The following SLC19A1 variants were observed in gnomAD, a reference collection of about 807,000 sequenced individuals.
SLC19A1 encodes reduced folate transporter.
Under a neutral mutation model 35.3 loss-of-function variants are expected in SLC19A1, and 37 were observed. The observed-to-expected ratio is 1.05, with a 90% CI of 0.81 to 1.38. The LOEUF (loss-of-function observed/expected upper bound fraction) is 1.38, where lower values mean the gene tolerates loss of function less well. SLC19A1 is among the 40% of genes most tolerant of loss of function. The probability of loss-of-function intolerance (pLI) is 0.00; values close to 1 mark genes in which losing one functional copy is unlikely to be tolerated. For missense variants in SLC19A1, 831 were observed against 826.9 expected, an observed-to-expected ratio of 1.00 and a Z score of -0.06; for synonymous variants, 460 against 398.5, an observed-to-expected ratio of 1.15 and a Z score of -1.84.
At chr21:45,542,012 A>G (rs2078322422) in intron 1 of SLC19A1, among the ~76,000 whole-genome samples, 2 of 150,270 alleles carry the variant, frequency 1.3e-5, no homozygotes, top group African/African-American at 2.5e-5. Flanking sequence ...CCCCGCGGAG[A>G]CCCCGGCCCA....
upstream of SLC19A1, among the ~76,000 whole-genome samples, chr21:45,546,542 C>T (rs966617519): frequency 2.6e-5 from 4 of 152,244 alleles, no homozygotes; most frequent in South Asian, 8.3e-4. Flanking sequence ...TCCCGATGCC[C>T]CCAAGTCTCC....
intron 5 of SLC19A1, among the ~76,000 whole-genome samples, chr21:45,522,892 G>A (rs942034945): frequency 2.0e-5 from 3 of 152,156 alleles, no homozygotes; most frequent in Admixed American, 6.5e-5. Context: ...ATCCCTGTGG[G>A]GATAGAATGT....
At chr21:45,503,007 T>C (rs919987785) in intron 3 of SLC19A1, 1 of 152,144 alleles carries the variant, frequency 6.6e-6, no homozygotes, top group Non-Finnish European at 1.5e-5. Flanking sequence ...AAGGCACCAT[T>C]GTGAATAATG....
intron 2 of SLC19A1, 37 bp downstream of exon 2, chr21:45,537,734 C>A: frequency 1.7e-6 from 2 of 1,144,020 alleles, no homozygotes; most frequent in East Asian, 3.3e-5. Context: ...GCCCACCCAC[C>A]CACAGGCGGC....
In SLC19A1 at chr21:45,515,439, G is replaced by A. The variant is rs754144036; in HGVS notation, c.*219C>T. 8.7e-5 allele frequency: 127 copies of A among 1,460,436 alleles called. No individual in the cohort carries two copies. The highest frequency in any genetic ancestry group is 5.9e-4 in the East Asian group (24 of 40,808). The allele number at this position is 1,460,436 out of a possible 1,614,324, so 90.5% of individuals were successfully genotyped here. A position where few individuals can be genotyped will look rare whatever the true frequency, so the allele number is the denominator to read the frequency against. ...CACCTCTTCCAGCAACAAAGCCCGC[G>A]GGGCACAGTGCAGGGACAGCATGGC... On this transcript the variant is annotated 3_prime_UTR_variant, in exon 6 of 6. Coordinates refer to ENST00000311124, the MANE Select transcript of SLC19A1 (RefSeq NM_194255.4).
At chr21:45,510,450 G>A (rs1203939285), downstream of SLC19A1, among the ~76,000 whole-genome samples, 1 of 152,144 alleles carries the variant, frequency 6.6e-6, no homozygotes, top group African/African-American at 2.4e-5. Flanking sequence ...CCAGGCCTCT[G>A]CATCCCTGGG....
downstream of SLC19A1, chr21:45,507,600 A>C (rs765776651): frequency 1.2e-6 from 2 of 1,612,908 alleles, no homozygotes; most frequent in Non-Finnish European, 8.5e-7. Flanking sequence ...GACGGTAAGG[A>C]GCCTTTTTTC....
Position 45,514,004 on chromosome 21 carries a change from C to A in SLC19A1, c.*1654G>T. On this transcript the variant is annotated 3_prime_UTR_variant, in exon 6 of 6. Coordinates refer to ENST00000311124, the MANE Select transcript of SLC19A1 (RefSeq NM_194255.4). ...CTCACAGCAGGACCTGACTTGCTCC[C>A]AGCAACACTACATCCTGACAGCCAT... 1 of 152,526 alleles carries A rather than the reference C, an allele frequency of 6.6e-6. No individual in the cohort carries two copies. The highest frequency in any genetic ancestry group is 1.5e-5 in the Non-Finnish European group (1 of 68,156). The allele number at this position is 152,526 out of a possible 1,614,324, so 9.4% of individuals were successfully genotyped here. A position where few individuals can be genotyped will look rare whatever the true frequency, so the allele number is the denominator to read the frequency against.
rs541872201 is a variant in SLC19A1, at chr21:45,513,530, T to C, written c.*2128A>G. The C allele has an allele frequency of 3.8e-5, 5 of 132,218 alleles. No homozygotes were observed. The highest frequency in any genetic ancestry group is 1.6e-4 in the African/African-American group (5 of 31,328). 8.2% of individuals were successfully genotyped at this position (132,218 alleles called of 1,614,324 possible). Reference sequence around the variant, plus strand: ...CTGTCAGTCACAGCCACCCCTGAGATCCGGCAACATCAACCCGAGTCATTC... The same window carrying C: ...CTGTCAGTCACAGCCACCCCTGAGACCCGGCAACATCAACCCGAGTCATTC... On this transcript the variant is annotated 3_prime_UTR_variant, in exon 6 of 6. Coordinates refer to ENST00000311124, the MANE Select transcript of SLC19A1 (RefSeq NM_194255.4).
At chr21:45,538,897 C>T (rs778055760) in intron 1 of SLC19A1, among the ~76,000 whole-genome samples, 4 of 152,180 alleles carry the variant, frequency 2.6e-5, no homozygotes, top group Non-Finnish European at 4.4e-5. Flanking sequence ...CCGCCCCACA[C>T]GGCCAGGGCA....
In SLC19A1 at chr21:45,530,622, T is replaced by C; in HGVS notation, c.1151+148A>G. On this transcript the variant is annotated intron_variant, in intron 4 of 5. Coordinates refer to ENST00000311124, the MANE Select transcript of SLC19A1 (RefSeq NM_194255.4). This position sits in a 1 kb window ranked among gnomAD's most constrained non-coding sequence, Gnocchi z 5.3. ...GCCCGAGGTCCCAGGGAGAGGCAAGTGGGGACCCTGGTCAGCTCCAGGTGG... is the reference window on the plus strand; with the variant it reads ...GCCCGAGGTCCCAGGGAGAGGCAAGCGGGGACCCTGGTCAGCTCCAGGTGG... The C allele has an allele frequency of 5.2e-6, 4 of 764,490 alleles. No homozygotes were observed. The South Asian group carries it at 7.2e-5, about 14-fold the overall frequency. The allele number at this position is 764,490 out of a possible 1,614,324, so 47.4% of individuals were successfully genotyped here. A position where few individuals can be genotyped will look rare whatever the true frequency, so the allele number is the denominator to read the frequency against.
intron 5 of SLC19A1, among the ~76,000 whole-genome samples, chr21:45,522,694 G>C (rs1421642125): frequency 6.6e-6 from 1 of 152,202 alleles, no homozygotes; most frequent in Non-Finnish European, 1.5e-5. Flanking sequence ...ATGGATGAAT[G>C]TTCAGAGAAC....
chr21:45,521,693 A>T (rs1191092291), intron 5 of SLC19A1, among the ~76,000 whole-genome samples: 8 of 152,246 alleles, frequency 5.3e-5, no homozygotes, highest in Non-Finnish European at 1.2e-4. Flanking sequence ...CAGGATAAAA[A>T]ACCCAGAAAC....
chr21:45,530,711 G>C lies in SLC19A1; in HGVS notation c.1151+59C>G. The C allele has an allele frequency of 1.3e-6, 2 of 1,504,294 alleles. No homozygotes were observed. Among genetic ancestry groups the C allele is most frequent in the East Asian group, 5.0e-5 (2 of 40,028 alleles). 93.2% of individuals were successfully genotyped at this position (1,504,294 alleles called of 1,614,324 possible). Reference sequence around the variant, plus strand: ...CAGGAAGGTGGGAGCACCCAGCGAAGCGCGGGGCTTGATCCTGGCGCCTGC... The same window carrying C: ...CAGGAAGGTGGGAGCACCCAGCGAACCGCGGGGCTTGATCCTGGCGCCTGC... On this transcript the variant is annotated intron_variant, in intron 4 of 5. Transcript: ENST00000311124. This position sits in a 1 kb window ranked among gnomAD's most constrained non-coding sequence, Gnocchi z 5.3.
intron 1 of SLC19A1, among the ~76,000 whole-genome samples, chr21:45,551,078 T>A (rs1160411479): frequency 6.6e-6 from 1 of 151,698 alleles, no homozygotes; most frequent in African/African-American, 2.4e-5. Flanking sequence ...CTGGGTTGGT[T>A]GCACTCTCTG....
chr21:45,531,790 G>C lies in SLC19A1; in HGVS notation c.548C>G (p.Ser183Cys). 6.2e-7 allele frequency: 1 copy of C among 1,601,098 alleles called. No individual in the cohort carries two copies. The highest frequency in any genetic ancestry group is 8.5e-7 in the Non-Finnish European group (1 of 1,174,124). Residue 183 changes from serine to cysteine, a missense_variant, in exon 3 of 6, where the codon TCC becomes TGC. Coordinates refer to ENST00000311124, the MANE Select transcript of SLC19A1 (RefSeq NM_194255.4). The stretch of plus-strand genomic sequence containing the variant: ...GGCCAGCGAGATGTAGTTGAGCGTG[G>C]AGAAGGAGACTCGGCCCACAGTGAC... The part of the protein sequence containing the change: ...LLVTVGRVSF[S>C]TLNYISLAFL...
In SLC19A1 at chr21:45,537,775, T is replaced by C; in HGVS notation, c.185A>G (p.Glu62Gly). 2 of 1,186,708 alleles carry C rather than the reference T, an allele frequency of 1.7e-6. No homozygotes were observed. Among genetic ancestry groups the C allele is most frequent in the Non-Finnish European group, 2.1e-6 (2 of 933,948 alleles). The allele number at this position is 1,186,708 out of a possible 1,614,324, so 73.5% of individuals were successfully genotyped here. A position where few individuals can be genotyped will look rare whatever the true frequency, so the allele number is the denominator to read the frequency against. ...GGCACCCCGGCACCCACATGCCTGC[T>C]CCCGCGTGAAGTTCTTGTCGGGCCC... The part of the protein sequence containing the change: ...LLGPDKNFTR[E>G]QVTNEITPVL... Residue 62 changes from glutamate to glycine, a missense_variant, in exon 2 of 6, where the codon GAG becomes GGG. Coordinates refer to ENST00000311124, the MANE Select transcript of SLC19A1 (RefSeq NM_194255.4).
At position 45,530,790 on chromosome 21, in the gene SLC19A1, C is replaced by T; in HGVS notation, c.1131G>A (p.Gln377=). Residue 377 remains glutamine, a synonymous_variant, in exon 4 of 6, where the codon CAG becomes CAA. Transcript: ENST00000311124. The surrounding 1 kb of genome is among the most constrained non-coding windows in gnomAD (Gnocchi z 5.3). ...AAFVLFRGSY[Q]FLVPIATFQI... ...CTCACGTGGCGATGGGCACGAGGAACTGGTAGGAGCCGCGGAACAGCACGA... is the reference window on the plus strand; with the variant it reads ...CTCACGTGGCGATGGGCACGAGGAATTGGTAGGAGCCGCGGAACAGCACGA... 1.3e-6 allele frequency: 2 copies of T among 1,563,458 alleles called. No individual in the cohort carries two copies. Among genetic ancestry groups the T allele is most frequent in the Non-Finnish European group, 8.7e-7 (1 of 1,154,340 alleles).
At chr21:45,545,565 T>C (rs1320849160), upstream of SLC19A1, among the ~76,000 whole-genome samples, 1 of 152,018 alleles carries the variant, frequency 6.6e-6, no homozygotes, top group African/African-American at 2.4e-5. Flanking sequence ...TGTTCCTTTA[T>C]AGCAACACAA....
Sources: allele counts gnomAD v4.1 joint callset (sites outside exome capture counted in the v4.1 genomes callset), GRCh38; gene constraint gnomAD v4.1.1; non-coding constraint Gnocchi (gnomAD v3.1); transcripts MANE v1.5; gene names NCBI Gene and HGNC (gene_info 2026-07-23, HGNC 2026-07-21).